Variants in ZNF133 observed in about 807,000 individuals in gnomAD.
ZNF133 encodes the protein zinc finger protein 133, also known as zinc finger protein 133 (clone pHZ-13).
ZNF133 carries 26 observed loss-of-function variants against 54.9 expected under a neutral mutation model. The ratio of observed to expected loss-of-function variants is 0.47; its 90% CI spans 0.35 to 0.66. ZNF133 has a LOEUF of 0.66. ZNF133 is among the 30% of genes least tolerant of loss of function. The probability of loss-of-function intolerance (pLI) is 0.01; values close to 1 mark genes in which losing one functional copy is unlikely to be tolerated. For missense variants in ZNF133, 653 were observed against 820.8 expected, an observed-to-expected ratio of 0.80 and a Z score of 2.50; for synonymous variants, 298 against 320.3, an observed-to-expected ratio of 0.93 and a Z score of 0.74.
intron 2 of ZNF133, 64 bp downstream of exon 2, chr20:18,298,126 GACTGCCTT>G: frequency 2.6e-6 from 4 of 1,534,494 alleles, no homozygotes; most frequent in Non-Finnish European, 3.5e-6. Context: ...CTCTTACCCT[GACTGCCTT>G]ATTGGTGCCT....
At chr20:18,310,782 G>C (rs1243347810) in intron 6 of ZNF133, among the ~76,000 whole-genome samples, 1 of 152,062 alleles carries the variant, frequency 6.6e-6, no homozygotes, top group Non-Finnish European at 1.5e-5. Context: ...AAAAATGATA[G>C]GTATGTGAGG....
Position 18,294,258 on chromosome 20 carries a change from C to T in ZNF133, c.-431-3727C>T, listed in dbSNP as rs1166857426. 3.3e-5 allele frequency among the ~76,000 whole-genome samples: 5 copies of T among 152,258 alleles called. No homozygotes were observed. In the East Asian group the frequency reaches 5.8e-4, roughly 18 times the overall value. On this transcript the variant is annotated intron_variant, in intron 1 of 6. Transcript: ENST00000425686. ...TCTAACCAGAAGTGAAAAACTCGTT[C>T]TAATCATGAAAAAACATCGGACAAA... is the stretch of plus-strand genomic sequence containing the variant.
In ZNF133 at chr20:18,306,531, G is replaced by A. The variant is rs3752308; in HGVS notation, c.217+138G>A. On this transcript the variant is annotated intron_variant, in intron 6 of 6. Transcript: ENST00000425686. ...GGCTGCTGTTTAGATTGCCTGACAC[G>A]GCCTCCCTTCCAGATCTCCATCTTC... 32 of 947,140 alleles carry A rather than the reference G, an allele frequency of 3.4e-5. No individual in the cohort carries two copies. The East Asian group carries it at 7.2e-4, about 21-fold the overall frequency. The allele number at this position is 947,140 out of a possible 1,614,324, so 58.7% of individuals were successfully genotyped here. A position where few individuals can be genotyped will look rare whatever the true frequency, so the allele number is the denominator to read the frequency against.
At chr20:18,301,982 C>T (rs1051028643) in intron 3 of ZNF133, among the ~76,000 whole-genome samples, 5 of 152,158 alleles carry the variant, frequency 3.3e-5, no homozygotes, top group African/African-American at 1.2e-4. Context: ...TCATTTATAA[C>T]ATTGATGCAA....
At chr20:18,292,580 AT>A (rs2041299022) in intron 1 of ZNF133, among the ~76,000 whole-genome samples, 1 of 152,106 alleles carries the variant, frequency 6.6e-6, no homozygotes, top group South Asian at 2.1e-4. Context: ...CCTATCTAAA[AT>A]TCTAAAACCT....
chr20:18,297,956 A>C, intron 1 of ZNF133, 29 bp from the exon 2 acceptor site: 1 of 1,429,672 alleles, frequency 7.0e-7, no homozygotes, highest in Non-Finnish European at 9.5e-7. Context: ...TCTACCTGAC[A>C]CCCTCCCATT....
At chr20:18,292,826 C>T (rs1337559107) in intron 1 of ZNF133, among the ~76,000 whole-genome samples, 1 of 152,182 alleles carries the variant, frequency 6.6e-6, no homozygotes, top group Non-Finnish European at 1.5e-5. Context: ...CAAATGAAGG[C>T]ATAATCCATA....
At chr20:18,297,851 A>G (rs1044540540) in intron 1 of ZNF133, 134 bp from the exon 2 acceptor site, 2 of 589,136 alleles carry the variant, frequency 3.4e-6, no homozygotes, top group Non-Finnish European at 3.0e-6. Context: ...TCCAAGCAGT[A>G]TCTTTTCCTT....
rs1268354292 is a variant in ZNF133 at position 18,316,497 on chromosome 20, C to T, written c.1646C>T (p.Pro549Leu). 13 of 1,614,096 alleles carry T rather than the reference C, an allele frequency of 8.1e-6. No homozygotes were observed. Among genetic ancestry groups the T allele is most frequent in the Non-Finnish European group, 1.1e-5 (13 of 1,180,058 alleles). ...AAGCGGAAGCACTCGAGGGAGAAGC[C>T]CTACATGTGCAGGCAGTGTGGACTG... ...RHKRKHSREK[P>L]YMCRQCGLGF... The change falls in exon 7 of 7, where the codon CCC (proline) becomes CTC (leucine). Residue 549 changes from proline to leucine, a missense_variant. Physicochemically the swap from Pro to Leu is moderately conservative, Grantham distance 98 (BLOSUM62 -3). Coordinates refer to ENST00000425686, the MANE Select transcript of ZNF133 (RefSeq NM_001352452.2).
intron 6 of ZNF133, chr20:18,310,234 A>G (rs1332655814): frequency 1.3e-6 from 2 of 1,525,670 alleles, no homozygotes; most frequent in Non-Finnish European, 1.7e-6. Context: ...CCAAGGAGCA[A>G]GTCATTGTGG....
At chr20:18,312,247 G>T (rs914887226) in intron 6 of ZNF133, among the ~76,000 whole-genome samples, 1 of 152,082 alleles carries the variant, frequency 6.6e-6, no homozygotes, top group Admixed American at 6.5e-5. Flanking sequence ...TTCTACTTGT[G>T]GCTGCATGTT....
chr20:18,292,365 A>T (rs1435371983), intron 1 of ZNF133, among the ~76,000 whole-genome samples: 2 of 152,184 alleles, frequency 1.3e-5, no homozygotes, highest in Admixed American at 1.3e-4. Context: ...CTTGGCCTTC[A>T]TCTGTACCAC....
chr20:18,290,488 A>G (rs2040695053), intron 1 of ZNF133, among the ~76,000 whole-genome samples: 1 of 152,158 alleles, frequency 6.6e-6, no homozygotes, highest in African/African-American at 2.4e-5. Context: ...TCTTTTTTTA[A>G]CATAACCACA....
Position 18,298,299 on chromosome 20 carries a change from TCTG to T in ZNF133, c.-338_-336del, listed in dbSNP as rs1219350088. 6 of 1,355,036 alleles carry T rather than the reference TCTG, an allele frequency of 4.4e-6. No homozygotes were observed. Among genetic ancestry groups the T allele is most frequent in the Non-Finnish European group, 5.7e-6 (6 of 1,055,732 alleles). 83.9% of individuals were successfully genotyped at this position (1,355,036 alleles called of 1,614,324 possible). ...CATTTCTTTGTTCAGCTTCAAAAGT[TCTG>T]CTGCCTGAGAGTAACGTCACAGTAA... On this transcript the variant is annotated 5_prime_UTR_variant, in exon 3 of 7. Coordinates refer to ENST00000425686, the MANE Select transcript of ZNF133 (RefSeq NM_001352452.2).
intron 1 of ZNF133, among the ~76,000 whole-genome samples, chr20:18,295,735 C>T (rs1007121031): frequency 6.6e-6 from 1 of 152,126 alleles, no homozygotes; most frequent in Non-Finnish European, 1.5e-5. Flanking sequence ...AGGCTCGCTG[C>T]AGCCTCAACC....
chr20:18,288,712 G>A (rs758653833), intron 1 of ZNF133, 108 bp downstream of exon 1: 2 of 398,202 alleles, frequency 5.0e-6, no homozygotes, highest in Non-Finnish European at 8.8e-6. Flanking sequence ...CCGTGCGGGT[G>A]GCGCGGGGGT....
At chr20:18,298,140 T>C in intron 2 of ZNF133, 78 bp downstream of exon 2, 1 of 1,531,914 alleles carries the variant, frequency 6.5e-7, no homozygotes, top group Non-Finnish European at 8.7e-7. Flanking sequence ...GCCTTATTGG[T>C]GCCTAGTAGA....
chr20:18,295,881 T>A (rs2042141075), intron 1 of ZNF133, among the ~76,000 whole-genome samples: 1 of 152,144 alleles, frequency 6.6e-6, no homozygotes, highest in Admixed American at 6.5e-5. Flanking sequence ...CCAGGCTGGA[T>A]TTTTTTCTTT....
rs760311594 is a variant in ZNF133, at chr20:18,315,244, A to G, written c.393A>G (p.Gln131=). The change falls in exon 7 of 7, where the codon CAA becomes CAG. Residue 131 remains glutamine, a synonymous_variant. Transcript: ENST00000425686. ...GCCCAGGGGACCAGGAGAAGCAGCA[A>G]CAAGCCTCTGAGGGGAGACCCTGGA... The part of the protein sequence containing the change: ...DPGPGDQEKQ[Q]QASEGRPWSD... The G allele has an allele frequency of 2.5e-6, 4 of 1,614,092 alleles. No individual in the cohort carries two copies. Among genetic ancestry groups the G allele is most frequent in the Non-Finnish European group, 3.4e-6 (4 of 1,179,996 alleles).
Sources: gnomAD v4.1 joint callset for allele counts (sites outside exome capture counted in the v4.1 genomes callset) on GRCh38, gnomAD v4.1.1 for gene constraint, MANE v1.5 for transcripts, NCBI Gene and HGNC (gene_info 2026-07-23, HGNC 2026-07-21) for gene names.